The following SPATA6L variants were observed in gnomAD, a reference collection of about 807,000 sequenced individuals.
SPATA6L encodes the protein spermatogenesis associated 6 like.
Under a neutral mutation model 49.2 loss-of-function variants are expected in SPATA6L, and 68 were observed. The ratio of observed to expected loss-of-function variants is 1.38; its 90% CI spans 1.14 to 1.69. The LOEUF (loss-of-function observed/expected upper bound fraction) is 1.69. Among genes scored for constraint, SPATA6L ranks in the 40% most tolerant of loss-of-function variants. The pLI is 0.00. For missense variants in SPATA6L, 668 were observed against 464.3 expected (o/e 1.44, Z -4.03); for synonymous variants, 198 against 165.7 (o/e 1.19, Z -1.50).
intron 2 of SPATA6L, 142 bp downstream of exon 2, chr9:4,661,757 C>CGGTTTTGCTTCAAGGCCAACTGT: frequency 9.1e-7 from 1 of 1,096,998 alleles, no homozygotes; most frequent in Non-Finnish European, 1.3e-6. Flanking sequence ...GTTCCGACTG[C>CGGTTTTGCTTCAAGGCCAACTGT]GGTTTTGCAT....
intron 4 of SPATA6L, among the ~76,000 whole-genome samples, chr9:4,634,762 C>A (rs1214298813): frequency 6.6e-6 from 1 of 152,018 alleles, no homozygotes; most frequent in Non-Finnish European, 1.5e-5. Flanking sequence ...AGATAATGCC[C>A]CCCAAAGAAT....
Position 4,661,955 on chromosome 9 carries a change from T to C in SPATA6L, c.121A>G (p.Asn41Asp). Reference sequence around the variant, plus strand: ...ATGGGGAACGCAGAGGGAAAGCTGTTGGTCTCCAGGTACTGATTCATGAGG... The same window carrying C: ...ATGGGGAACGCAGAGGGAAAGCTGTCGGTCTCCAGGTACTGATTCATGAGG... Reference protein sequence around the residue: ...VYLMNQYLETNSFPSAFPIMI... With the variant: ...VYLMNQYLETDSFPSAFPIMI... The change falls in exon 2 of 12, where the codon AAC (asparagine) becomes GAC (aspartate). Residue 41 changes from asparagine to aspartate, a missense_variant. Physicochemically the swap from Asn to Asp is conservative, Grantham distance 23. Transcript: ENST00000682582. 6.2e-7 allele frequency: 1 copy of C among 1,614,090 alleles called. No individual in the cohort carries two copies. Among genetic ancestry groups the C allele is most frequent in the Non-Finnish European group, 8.5e-7 (1 of 1,179,966 alleles).
intron 11 of SPATA6L, among the ~76,000 whole-genome samples, chr9:4,601,934 A>G (rs1823403854): frequency 6.6e-6 from 1 of 152,172 alleles, no homozygotes; most frequent in African/African-American, 2.4e-5. Flanking sequence ...AAGACTAGCC[A>G]GAGTCACTTG....
At chr9:4,644,624 A>G (rs1834878878) in intron 3 of SPATA6L, among the ~76,000 whole-genome samples, 1 of 152,020 alleles carries the variant, frequency 6.6e-6, no homozygotes, top group Non-Finnish European at 1.5e-5. Flanking sequence ...GCGTAATAGC[A>G]GAGATCAGAG....
chr9:4,652,525 T>G (rs147742430), intron 3 of SPATA6L, among the ~76,000 whole-genome samples: 186 of 152,258 alleles, frequency 1.2e-3, no homozygotes, highest in African/African-American at 4.3e-3. Flanking sequence ...ATGCAACACT[T>G]GTAAACTGAA....
chr9:4,663,138 C>A, intron 1 of SPATA6L: 6 of 1,614,082 alleles, frequency 3.7e-6, no homozygotes, highest in Non-Finnish European at 5.1e-6. Context: ...CATGCTGGGG[C>A]GGCACAATGT....
chr9:4,617,777 G>A lies in SPATA6L; in HGVS notation c.995+146C>T, dbSNP rs1828342990. On this transcript the variant is annotated intron_variant, in intron 9 of 11. Coordinates refer to ENST00000682582, the MANE Select transcript of SPATA6L (RefSeq NM_001353486.2). ...GAGATATGCCTCTGACTTTTGGGTA[G>A]ATTTTAAAAGAAATAATCATTTTTT... 1.2e-5 allele frequency: 8 copies of A among 662,536 alleles called. No individual in the cohort carries two copies. In the Admixed American group the frequency reaches 3.0e-4, roughly 25 times the overall value. The allele number at this position is 662,536 out of a possible 1,614,324, so 41.0% of individuals were successfully genotyped here.
intron 11 of SPATA6L, among the ~76,000 whole-genome samples, chr9:4,603,935 T>C (rs541564919): frequency 6.0e-4 from 91 of 152,210 alleles, no homozygotes; most frequent in African/African-American, 2.2e-3. Flanking sequence ...CCGGAAAGTC[T>C]ATTAGATAAA....
Position 4,629,097 on chromosome 9 carries a change from T to A in SPATA6L, c.423A>T (p.Arg141Ser). Residue 141 changes from arginine (R) to serine (S), a missense_variant, in exon 5 of 12, where the codon AGA becomes AGT. Transcript: ENST00000682582. ...AGATTTGTATTGTACTTACAAGAAA[T>A]CTGTTTCTATGCAGAAACACACATT... ...IRECVFLHRN[R>S]FLEERHESRR... 6.2e-7 allele frequency: 1 copy of A among 1,604,950 alleles called. No individual in the cohort carries two copies. The highest frequency in any genetic ancestry group is 8.5e-7 in the Non-Finnish European group (1 of 1,174,260).
chr9:4,618,977 A>C (rs542012793), intron 7 of SPATA6L, 79 bp from the exon 8 acceptor site: 1 of 1,304,620 alleles, frequency 7.7e-7, no homozygotes, highest in Non-Finnish European at 1.1e-6. Flanking sequence ...TTTATTCTAC[A>C]GCAGTACAAA....
At chr9:4,625,814 T>C (rs939619469) in intron 5 of SPATA6L, 1 of 272,548 alleles carries the variant, frequency 3.7e-6, no homozygotes. Flanking sequence ...TTATTTATAA[T>C]AGGGGGAAGT....
In SPATA6L at chr9:4,662,588, C is replaced by T. The variant is rs775572543; in HGVS notation, c.40-552G>A. On this transcript the variant is annotated intron_variant, in intron 1 of 11. Transcript: ENST00000682582. The surrounding 1 kb of genome is among the most constrained non-coding windows in gnomAD (Gnocchi z 4.9). ...GCCCAGTTCACCGCCGCGGCTCCTT[C>T]CCCCTGGCCGCGGCGGGCCCCTCGC... 6 of 1,592,394 alleles carry T rather than the reference C, an allele frequency of 3.8e-6. No individual in the cohort carries two copies. The highest frequency in any genetic ancestry group is 1.7e-5 in the Admixed American group (1 of 59,438).
At position 4,662,935 on chromosome 9, in the gene SPATA6L, T is replaced by C; in HGVS notation, c.40-899A>G. On this transcript the variant is annotated intron_variant, in intron 1 of 11. Transcript: ENST00000682582. The surrounding 1 kb of genome is among the most constrained non-coding windows in gnomAD (Gnocchi z 4.9). The stretch of plus-strand genomic sequence containing the variant: ...CTGGTGGCCTTGATCAAAGGGCTGG[T>C]CCGCAGGCGCCGCCCGGCCCACAAC... 3 of 1,611,032 alleles carry C rather than the reference T, an allele frequency of 1.9e-6. No individual in the cohort carries two copies. Among genetic ancestry groups the C allele is most frequent in the Non-Finnish European group, 2.5e-6 (3 of 1,179,916 alleles).
rs1829551683 is a variant in SPATA6L at position 4,622,484 on chromosome 9, C to G, written c.696G>C (p.Glu232Asp). Residue 232 changes from glutamate to aspartate, a missense_variant, in exon 7 of 12, where the codon GAG becomes GAC. Coordinates refer to ENST00000682582, the MANE Select transcript of SPATA6L (RefSeq NM_001353486.2). The part of the protein sequence containing the change: ...RHVDSAKPFG[E>D]NISEHHLRRS... ...TCCTCAAATGATGCTCTGAAATATT[C>G]TCACCAAAGGGCTTTGCACTGTCCA... 6.2e-7 allele frequency: 1 copy of G among 1,613,450 alleles called. No homozygotes were observed. The highest frequency in any genetic ancestry group is 8.5e-7 in the Non-Finnish European group (1 of 1,179,798).
At chr9:4,660,621 G>A (rs945854068) in intron 2 of SPATA6L, among the ~76,000 whole-genome samples, 2 of 152,196 alleles carry the variant, frequency 1.3e-5, no homozygotes, top group Non-Finnish European at 2.9e-5. Flanking sequence ...AAGACAGTGT[G>A]GTGATTCCTC....
At chr9:4,592,592 G>C (rs1292882065) in intron 13 of SPATA6L, among the ~76,000 whole-genome samples, 4 of 152,208 alleles carry the variant, frequency 2.6e-5, no homozygotes, top group Non-Finnish European at 5.9e-5. Context: ...GCATTGTAAG[G>C]CAGAGAGTGC....
intron 1 of SPATA6L, 87 bp downstream of exon 1, chr9:4,666,125 G>T: frequency 8.8e-7 from 1 of 1,136,178 alleles, no homozygotes; most frequent in Non-Finnish European, 1.3e-6. Flanking sequence ...GGTAAGTGGG[G>T]GATGTGGGGG....
intron 3 of SPATA6L, among the ~76,000 whole-genome samples, chr9:4,642,027 C>G (rs1348294021): frequency 6.6e-6 from 1 of 152,204 alleles, no homozygotes; most frequent in Non-Finnish European, 1.5e-5. Flanking sequence ...CTTTGCCTCT[C>G]AAAGTGCTGG....
intron 2 of SPATA6L, among the ~76,000 whole-genome samples, chr9:4,656,951 C>G (rs1465439750): frequency 2.0e-5 from 3 of 150,216 alleles, no homozygotes; most frequent in African/African-American, 7.6e-5. Flanking sequence ...GCTACACTCC[C>G]ATAGAATAAG....
Sources: allele counts gnomAD v4.1 joint callset (sites outside exome capture counted in the v4.1 genomes callset), GRCh38; gene constraint gnomAD v4.1.1; non-coding constraint Gnocchi (gnomAD v3.1); transcripts MANE v1.5; gene names NCBI Gene and HGNC (gene_info 2026-07-23, HGNC 2026-07-21).